The following ERC2 variants were observed in gnomAD, a reference collection of about 807,000 sequenced individuals.
ERC2 encodes ERC protein 2.
In ERC2, 42 loss-of-function variants were observed where a neutral mutation model predicts 114.8. That is an observed-to-expected ratio of 0.37 (90% CI 0.29 to 0.47). ERC2 has a LOEUF of 0.47. ERC2 is among the 20% of genes least tolerant of loss of function. The pLI is 0.99. For missense variants in ERC2, 939 were observed against 1,150.7 expected, an observed-to-expected ratio of 0.82 and a Z score of 2.66; for synonymous variants, 454 against 425.5, an observed-to-expected ratio of 1.07 and a Z score of -0.82.
Position 55,700,133 on chromosome 3 carries a change from A to G in ERC2, c.2713-621T>C, listed in dbSNP as rs571940542. ...TACAAAGTCAATGGGAAAAGAACTG[A>G]CCACTCTAATTTACAATCCACGATG... On this transcript the variant is annotated intron_variant, in intron 15 of 17. Transcript: ENST00000288221. 2.0e-5 allele frequency among the ~76,000 whole-genome samples: 3 copies of G among 152,356 alleles called. No homozygotes were observed. The South Asian group carries it at 6.2e-4, about 32-fold the overall frequency.
At chr3:56,164,686 G>T (rs890622262) in intron 4 of ERC2, among the ~76,000 whole-genome samples, 2 of 151,946 alleles carry the variant, frequency 1.3e-5, no homozygotes, top group African/African-American at 4.8e-5. Context: ...TTCCAAAGAG[G>T]GCTGTACCAT....
intron 14 of ERC2, among the ~76,000 whole-genome samples, chr3:55,830,663 G>C (rs2060527945): frequency 6.6e-6 from 1 of 152,084 alleles, no homozygotes; most frequent in Non-Finnish European, 1.5e-5. Flanking sequence ...ATGCAAAGAG[G>C]CTGGGTACAG....
At chr3:55,991,993 A>C in intron 11 of ERC2, 64 bp downstream of exon 11, 1 of 1,453,332 alleles carries the variant, frequency 6.9e-7, no homozygotes, top group Non-Finnish European at 9.5e-7. Context: ...CCACAACCGG[A>C]GATGGGCAAC....
At chr3:56,193,279 C>T (rs1366804552) in intron 3 of ERC2, among the ~76,000 whole-genome samples, 1 of 152,044 alleles carries the variant, frequency 6.6e-6, no homozygotes, top group East Asian at 1.9e-4. Flanking sequence ...TTTGGGAGGC[C>T]GAGGCAGGAG....
At chr3:55,559,500 C>T (rs1184717120) in intron 17 of ERC2, among the ~76,000 whole-genome samples, 1 of 152,228 alleles carries the variant, frequency 6.6e-6, no homozygotes, top group Non-Finnish European at 1.5e-5. Context: ...TGTTGGTTTC[C>T]ACCATGCTAC....
intron 17 of ERC2, among the ~76,000 whole-genome samples, chr3:55,652,859 CAAAAAAA>C (rs3059334): frequency 4.0e-5 from 3 of 74,376 alleles, no homozygotes; most frequent in African/African-American, 1.0e-4. Flanking sequence ...GACTCTGTCT[CAAAAAAA>C]AAAAAAAAAA....
chr3:55,955,443 T>C (rs2067889016), intron 12 of ERC2, among the ~76,000 whole-genome samples: 1 of 152,320 alleles, frequency 6.6e-6, no homozygotes, highest in Admixed American at 6.5e-5. Context: ...TTTATTTATA[T>C]GGATTTCTTT....
At chr3:56,318,624 C>T (rs911818947) in intron 2 of ERC2, among the ~76,000 whole-genome samples, 1 of 151,190 alleles carries the variant, frequency 6.6e-6, no homozygotes, top group Non-Finnish European at 1.5e-5. Context: ...TTAAAATGGG[C>T]ACATAGACTT....
intron 14 of ERC2, among the ~76,000 whole-genome samples, chr3:55,773,427 A>C (rs1024664085): frequency 2.0e-5 from 3 of 152,204 alleles, no homozygotes; most frequent in Non-Finnish European, 2.9e-5. Flanking sequence ...CCCTTTTCTG[A>C]CTTCAAATCT....
intron 15 of ERC2, among the ~76,000 whole-genome samples, chr3:55,703,320 C>G (rs147908479): frequency 1.3e-3 from 198 of 152,316 alleles, no homozygotes; most frequent in African/African-American, 4.6e-3. Flanking sequence ...GTCTCCTTGT[C>G]CCAGCCTTGG....
intron 3 of ERC2, among the ~76,000 whole-genome samples, chr3:56,175,353 C>A (rs1295653428): frequency 5.3e-5 from 8 of 152,164 alleles, no homozygotes; most frequent in African/African-American, 1.9e-4. Flanking sequence ...ATTTTTTCCC[C>A]TAACATATCC....
intron 14 of ERC2, among the ~76,000 whole-genome samples, chr3:55,839,484 T>C (rs1246316681): frequency 6.6e-6 from 1 of 151,742 alleles, no homozygotes; most frequent in African/African-American, 2.4e-5. Context: ...AAAACAAACC[T>C]AATAAAAATG....
intron 1 of ERC2, among the ~76,000 whole-genome samples, chr3:56,462,451 C>A (rs904940895): frequency 2.6e-5 from 4 of 152,184 alleles, no homozygotes; most frequent in Non-Finnish European, 5.9e-5. Flanking sequence ...GTCTCCCAAC[C>A]TCTGGTCTCT....
At chr3:55,638,511 T>C (rs2060046571) in intron 17 of ERC2, among the ~76,000 whole-genome samples, 1 of 152,182 alleles carries the variant, frequency 6.6e-6, no homozygotes. Flanking sequence ...TTCTTAATAA[T>C]ATTATTGGAA....
intron 6 of ERC2, among the ~76,000 whole-genome samples, chr3:56,089,693 A>T (rs2077684793): frequency 6.6e-6 from 1 of 151,986 alleles, no homozygotes; most frequent in Non-Finnish European, 1.5e-5. Flanking sequence ...AAGGTCTATG[A>T]CTCCTGTAAG....
chr3:56,118,636 CTTTT>C (rs66888697), intron 6 of ERC2, among the ~76,000 whole-genome samples: 1 of 127,878 alleles, frequency 7.8e-6, no homozygotes. Context: ...TATTCCTTTT[CTTTT>C]TTTTTTTTTT....
At chr3:56,356,352 A>G (rs1349355682) in intron 2 of ERC2, among the ~76,000 whole-genome samples, 2 of 152,212 alleles carry the variant, frequency 1.3e-5, no homozygotes, top group Non-Finnish European at 2.9e-5. Context: ...GGCCTGGGGT[A>G]AAGTGGCCTG....
chr3:55,693,112 G>A (rs1296008918), intron 16 of ERC2, among the ~76,000 whole-genome samples: 1 of 152,180 alleles, frequency 6.6e-6, no homozygotes, highest in Non-Finnish European at 1.5e-5. Flanking sequence ...AGCAGAGAAA[G>A]CACCAAGGAT....
intron 15 of ERC2, among the ~76,000 whole-genome samples, chr3:55,702,863 T>C (rs73071173): frequency 3.3e-5 from 5 of 152,108 alleles, no homozygotes; most frequent in Non-Finnish European, 7.4e-5. Flanking sequence ...AATATAGAGT[T>C]GGAGAGGGAT....
Sources: allele counts gnomAD v4.1 joint callset (sites outside exome capture counted in the v4.1 genomes callset), GRCh38; gene constraint gnomAD v4.1.1; transcripts MANE v1.5; gene names NCBI Gene and HGNC (gene_info 2026-07-23, HGNC 2026-07-21).